PARD3B: variants seen among roughly 807,000 people sequenced by gnomAD.
PARD3B encodes the protein partitioning defective 3 homolog B.
In PARD3B, 103 loss-of-function variants were observed where a neutral mutation model predicts 130.2. The observed-to-expected ratio is 0.79, with a 90% confidence interval of 0.67 to 0.93. The LOEUF (loss-of-function observed/expected upper bound fraction) is 0.93. PARD3B is among the 40% of genes least tolerant of loss of function. The pLI is 0.00. For synonymous variants in PARD3B, 583 were observed against 553.2 expected (o/e 1.05, Z -0.76); for missense variants, 1,609 against 1,499.2 (o/e 1.07, Z -1.21).
intron 3 of PARD3B, among the ~76,000 whole-genome samples, chr2:205,024,044 A>G (rs925057178): frequency 1.3e-5 from 2 of 151,754 alleles, no homozygotes; most frequent in African/African-American, 4.8e-5. Context: ...CCTAAGCTTT[A>G]GGATTTCTGT....
rs561562018 is a variant in PARD3B, at chr2:205,092,558, G to A, written c.505-11868G>A. 3.3e-5 allele frequency among the ~76,000 whole-genome samples: 5 copies of A among 152,286 alleles called. No homozygotes were observed. The East Asian group carries it at 9.6e-4, about 29-fold the overall frequency. On this transcript the variant is annotated intron_variant, in intron 4 of 22. Transcript: ENST00000406610. ...AATGAAGGCTAAGGAAATGCCGAAA[G>A]AAGAAAGAGCAATGGAAGAGGACAG...
In PARD3B at chr2:204,677,546, A is replaced by T. The variant is rs1334286844; in HGVS notation, c.121-8635A>T. Among the ~76,000 whole-genome samples the T allele has an allele frequency of 6.6e-6, 1 of 152,212 alleles. No homozygotes were observed. On this transcript the variant is annotated intron_variant, in intron 1 of 22. Transcript: ENST00000406610. The surrounding 1 kb of genome is among the most constrained non-coding windows in gnomAD (Gnocchi z 4.1). ...CCTTAACCTTTGTGGTTACTGTCAC[A>T]TGGGTCATCTCCAGTTAGTTAATGA...
intron 20 of PARD3B, among the ~76,000 whole-genome samples, chr2:205,464,527 T>C (rs759713760): frequency 1.3e-5 from 2 of 152,192 alleles, no homozygotes; most frequent in Non-Finnish European, 2.9e-5. Flanking sequence ...GGGTTAGGAA[T>C]CTTTGGGTGC....
chr2:205,201,810 C>G (rs113056081), intron 15 of PARD3B, among the ~76,000 whole-genome samples: 6 of 152,276 alleles, frequency 3.9e-5, no homozygotes, highest in African/African-American at 7.2e-5. Flanking sequence ...GCACTCCAGC[C>G]TGGGCAACGA....
intron 2 of PARD3B, among the ~76,000 whole-genome samples, chr2:204,898,043 TA>T (rs1200161328): frequency 6.6e-6 from 1 of 152,024 alleles, no homozygotes; most frequent in Non-Finnish European, 1.5e-5. Flanking sequence ...GCACATGTTA[TA>T]AATGTACTTC....
intron 16 of PARD3B, among the ~76,000 whole-genome samples, chr2:205,260,743 T>C (rs1322626110): frequency 6.6e-6 from 1 of 151,834 alleles, no homozygotes; most frequent in African/African-American, 2.4e-5. Context: ...AATATGGTGA[T>C]TTTTTTTAAT....
intron 22 of PARD3B, among the ~76,000 whole-genome samples, chr2:205,571,028 TG>T (rs1388104901): frequency 6.6e-6 from 1 of 152,222 alleles, no homozygotes; most frequent in Non-Finnish European, 1.5e-5. Flanking sequence ...TGTAGGATAT[TG>T]GAATATAGCT....
rs926151889 is a variant in PARD3B, at chr2:204,677,303, C to T, written c.121-8878C>T. On this transcript the variant is annotated intron_variant, in intron 1 of 22. Transcript: ENST00000406610. The surrounding 1 kb of genome is among the most constrained non-coding windows in gnomAD (Gnocchi z 4.1). ...AAAAACAGGTAGCATTGGCCTTATT[C>T]AGAGGACGTATGTTCACTTCCATTG... Among the ~76,000 whole-genome samples the T allele has an allele frequency of 3.9e-4, 59 of 152,202 alleles. 1 individual carries two copies. The highest frequency in any genetic ancestry group is 1.2e-4 in the Non-Finnish European group (8 of 68,036).
intron 21 of PARD3B, among the ~76,000 whole-genome samples, chr2:205,549,637 G>A (rs182524975): frequency 6.9e-4 from 105 of 152,300 alleles, no homozygotes; most frequent in Middle Eastern, 3.4e-3. Flanking sequence ...GGGAAGGAGT[G>A]ATGAATAGGC....
intron 2 of PARD3B, among the ~76,000 whole-genome samples, chr2:204,849,214 C>T (rs569093213): frequency 6.6e-6 from 1 of 152,150 alleles, no homozygotes; most frequent in East Asian, 1.9e-4. Context: ...AGAGTGCTGT[C>T]ATTTTTCAAG....
chr2:205,282,479 TTG>T (rs2041226027), intron 16 of PARD3B, among the ~76,000 whole-genome samples: 1 of 141,478 alleles, frequency 7.1e-6, no homozygotes, highest in Admixed American at 7.6e-5. Flanking sequence ...ATATATATAT[TTG>T]TATGTGTGTA....
intron 15 of PARD3B, among the ~76,000 whole-genome samples, chr2:205,193,760 TCTC>T (rs2036524048): frequency 1.3e-5 from 2 of 152,194 alleles, no homozygotes; most frequent in Admixed American, 6.5e-5. Flanking sequence ...CTTCTATTCT[TCTC>T]CATGTGTGAT....
intron 16 of PARD3B, among the ~76,000 whole-genome samples, chr2:205,256,310 T>A (rs554816060): frequency 6.6e-6 from 1 of 152,186 alleles, no homozygotes; most frequent in South Asian, 2.1e-4. Flanking sequence ...GGGCAACCAA[T>A]GATAAACTCA....
intron 15 of PARD3B, among the ~76,000 whole-genome samples, chr2:205,227,417 T>C (rs2038613726): frequency 2.0e-5 from 3 of 152,184 alleles, no homozygotes; most frequent in Admixed American, 2.0e-4. Context: ...ATTGAGCCCT[T>C]TATCATTATA....
intron 2 of PARD3B, among the ~76,000 whole-genome samples, chr2:204,711,312 C>T (rs2038421760): frequency 6.6e-6 from 1 of 152,054 alleles, no homozygotes; most frequent in African/African-American, 2.4e-5. Flanking sequence ...TGACTGAGAG[C>T]TTTAAACAAG....
chr2:204,942,901 G>T (rs2125806101), intron 2 of PARD3B, among the ~76,000 whole-genome samples: 1 of 152,226 alleles, frequency 6.6e-6, no homozygotes, highest in Middle Eastern at 3.4e-3. Context: ...TGAGGAGGGA[G>T]AGGAACAGAA....
chr2:205,158,036 A>G lies in PARD3B; in HGVS notation c.1435-686A>G, dbSNP rs146785859. ...AATATGACATGAATGTTTGTTGTGC[A>G]TAATCATTTTTGTTTAGGTTTAAAA... On this transcript the variant is annotated intron_variant, in intron 10 of 22. Coordinates refer to ENST00000406610, the MANE Select transcript of PARD3B (RefSeq NM_001302769.2). The surrounding 1 kb of genome is among the most constrained non-coding windows in gnomAD (Gnocchi z 5.4). 0.019 allele frequency among the ~76,000 whole-genome samples: 2,861 copies of G among 152,328 alleles called. 28 individuals carry two copies. The highest frequency in any genetic ancestry group is 0.025 in the Non-Finnish European group (1,711 of 68,028).
At chr2:204,792,421 CT>C (rs1193055481) in intron 2 of PARD3B, among the ~76,000 whole-genome samples, 1 of 151,928 alleles carries the variant, frequency 6.6e-6, no homozygotes, top group African/African-American at 2.4e-5. Context: ...GGGACCAGAA[CT>C]TTTGTATTTC....
At chr2:205,438,203 A>T (rs1236876435) in intron 19 of PARD3B, among the ~76,000 whole-genome samples, 1 of 152,192 alleles carries the variant, frequency 6.6e-6, no homozygotes, top group African/African-American at 2.4e-5. Context: ...AAAATATAAG[A>T]TAAAATATTG....
Sources: allele counts gnomAD v4.1 joint callset (sites outside exome capture counted in the v4.1 genomes callset), GRCh38; gene constraint gnomAD v4.1.1; non-coding constraint Gnocchi (gnomAD v3.1); transcripts MANE v1.5; gene names NCBI Gene and HGNC (gene_info 2026-07-23, HGNC 2026-07-21).